PCDHA4: variants seen among roughly 807,000 people sequenced by gnomAD.
The protein encoded by PCDHA4 is protocadherin alpha-4.
Under a neutral mutation model 61.4 loss-of-function variants are expected in PCDHA4, and 49 were observed. That is an observed-to-expected ratio of 0.80 (90% confidence interval 0.63 to 1.01). The LOEUF is 1.01. PCDHA4 is among the 50% of genes least tolerant of loss of function. The pLI is 0.00. For missense variants in PCDHA4, 1,254 were observed against 1,235.8 expected (o/e 1.01, Z -0.22); for synonymous variants, 590 against 550.3 (o/e 1.07, Z -1.01).
At chr5:140,852,819 T>C in intron 1 of PCDHA4, 1 of 969,756 alleles carries the variant, frequency 1.0e-6, no homozygotes, top group Non-Finnish European at 1.2e-6. Flanking sequence ...CCGCCCTAAG[T>C]CCTCCAGTCT....
chr5:140,836,523 AC>A, intron 1 of PCDHA4: 18 of 1,613,762 alleles, frequency 1.1e-5, no homozygotes, highest in Non-Finnish European at 1.4e-5. Context: ...GTTGGTGCTT[AC>A]CCTGCTGCTG....
At chr5:140,889,267 A>C (rs1376262292) in intron 1 of PCDHA4, among the ~76,000 whole-genome samples, 1 of 151,966 alleles carries the variant, frequency 6.6e-6, no homozygotes. Context: ...AAGTTTGTAT[A>C]ATCTTTGAAT....
intron 2 of PCDHA4, among the ~76,000 whole-genome samples, chr5:140,980,525 G>C (rs1554241939): frequency 6.6e-6 from 1 of 152,166 alleles, no homozygotes; most frequent in African/African-American, 2.4e-5. Context: ...AGCTACTAGG[G>C]AGGCTGAGGC....
chr5:140,851,054 T>G, intron 1 of PCDHA4: 1 of 1,379,124 alleles, frequency 7.3e-7, no homozygotes, highest in Non-Finnish European at 9.5e-7. Context: ...GACTTTGTCT[T>G]GACTTCTAGT....
chr5:140,853,297 G>T, intron 1 of PCDHA4: 1 of 981,768 alleles, frequency 1.0e-6, no homozygotes, highest in Non-Finnish European at 1.2e-6. Context: ...TCTCAGAAGG[G>T]CTGTGAACAC....
chr5:140,892,943 AC>A (rs2063750109), intron 1 of PCDHA4, among the ~76,000 whole-genome samples: 1 of 152,088 alleles, frequency 6.6e-6, no homozygotes, highest in South Asian at 2.1e-4. Flanking sequence ...TAAGCACAAT[AC>A]TACTTCCATG....
chr5:140,969,403 G>C, intron 1 of PCDHA4: 1 of 1,579,282 alleles, frequency 6.3e-7, no homozygotes, highest in Non-Finnish European at 8.6e-7. Context: ...CCTGTGATTT[G>C]GCTTTATTGA....
chr5:140,989,681 A>C (rs1428237884), intron 3 of PCDHA4, among the ~76,000 whole-genome samples: 1 of 152,250 alleles, frequency 6.6e-6, no homozygotes, highest in Non-Finnish European at 1.5e-5. Flanking sequence ...CAGATTTCAA[A>C]GGAACGTGAA....
intron 1 of PCDHA4, chr5:140,869,370 G>A: frequency 6.2e-7 from 1 of 1,614,138 alleles, no homozygotes; most frequent in South Asian, 1.1e-5. Flanking sequence ...TGAATTCTCG[G>A]ATCGACCGCG....
intron 1 of PCDHA4, chr5:140,851,337 C>T (rs2042031356): frequency 2.0e-6 from 2 of 978,912 alleles, no homozygotes; most frequent in African/African-American, 1.7e-5. Flanking sequence ...TAGTTCTCTA[C>T]ATTTCTCTGG....
intron 1 of PCDHA4, among the ~76,000 whole-genome samples, chr5:140,904,904 C>A (rs1463349424): frequency 6.6e-6 from 1 of 151,948 alleles, no homozygotes; most frequent in Non-Finnish European, 1.5e-5. Context: ...GTTTTTCTTA[C>A]TGATTTGTTT....
chr5:140,860,800 C>G (rs1270356784), intron 1 of PCDHA4: 1 of 152,198 alleles, frequency 6.6e-6, no homozygotes, highest in East Asian at 1.9e-4. Flanking sequence ...TGCAGTGGCA[C>G]GATCTCGGCT....
intron 1 of PCDHA4, chr5:140,824,237 T>C: frequency 6.6e-7 from 1 of 1,508,824 alleles, no homozygotes; most frequent in Non-Finnish European, 9.2e-7. Flanking sequence ...TACACAAATA[T>C]TGTGGTACAC....
intron 1 of PCDHA4, chr5:140,834,353 G>A: frequency 6.5e-7 from 1 of 1,537,316 alleles, no homozygotes; most frequent in South Asian, 1.3e-5. Context: ...GGCAAGTTTT[G>A]CTGACTAGAA....
At chr5:140,865,006 T>C (rs1171249709) in intron 1 of PCDHA4, 2 of 152,174 alleles carry the variant, frequency 1.3e-5, no homozygotes, top group Non-Finnish European at 2.9e-5. Context: ...GAGACCAGCC[T>C]CGGCAACATA....
At chr5:140,858,877 T>C (rs1192816588) in intron 1 of PCDHA4, 1 of 245,498 alleles carries the variant, frequency 4.1e-6, no homozygotes, top group Non-Finnish European at 7.9e-6. Context: ...TGTGTTTTCC[T>C]CCATGTGTAG....
At chr5:141,004,013 G>C (rs1327248207) in intron 3 of PCDHA4, among the ~76,000 whole-genome samples, 4 of 152,124 alleles carry the variant, frequency 2.6e-5, no homozygotes, top group African/African-American at 9.7e-5. Context: ...AGGCAGCACT[G>C]AAAGAAGAAA....
intron 1 of PCDHA4, among the ~76,000 whole-genome samples, chr5:140,895,055 A>G (rs1313066261): frequency 6.6e-6 from 1 of 152,118 alleles, no homozygotes; most frequent in East Asian, 1.9e-4. Context: ...ATTCTGCTTC[A>G]TATGGACTCA....
chr5:140,842,874 A>C lies in PCDHA4; in HGVS notation c.2385+33302A>C, dbSNP rs2150346972. 38 of 1,593,708 alleles carry C rather than the reference A, an allele frequency of 2.4e-5. 5 individuals carry two copies. The highest frequency in any genetic ancestry group is 2.3e-4 in the African/African-American group (17 of 74,204). On this transcript the variant is annotated intron_variant, in intron 1 of 3. Coordinates refer to ENST00000530339, the MANE Select transcript of PCDHA4 (RefSeq NM_018907.4). Reference sequence around the variant, plus strand: ...GTGCACACGGAGAGCGGCAAGGTGTACGCGCTGCAGCCGCTGGACCACGAG... The same window carrying C: ...GTGCACACGGAGAGCGGCAAGGTGTCCGCGCTGCAGCCGCTGGACCACGAG...
Sources: gnomAD v4.1 joint callset for allele counts (sites outside exome capture counted in the v4.1 genomes callset) on GRCh38, gnomAD v4.1.1 for gene constraint, MANE v1.5 for transcripts, NCBI Gene and HGNC (gene_info 2026-07-23, HGNC 2026-07-21) for gene names.